Variants in PRRX1 observed in about 807,000 individuals in gnomAD.
PRRX1 encodes the protein paired mesoderm homeobox protein 1.
A neutral mutation model predicts 24.0 loss-of-function variants in PRRX1; 8 were observed. The observed-to-expected ratio is 0.33, with a 90% confidence interval of 0.20 to 0.60. The LOEUF (loss-of-function observed/expected upper bound fraction) is 0.60. PRRX1 is among the 20% of genes least tolerant of loss of function. The pLI, the probability that PRRX1 is intolerant of heterozygous loss-of-function variation, is 0.82. For synonymous variants in PRRX1, 160 were observed against 131.7 expected (o/e 1.22, Z -1.47); for missense variants, 281 against 322.4 (o/e 0.87, Z 0.98).
chr1:170,671,266 T>G (rs557864331), intron 1 of PRRX1, among the ~76,000 whole-genome samples: 1 of 152,370 alleles, frequency 6.6e-6, no homozygotes, highest in South Asian at 2.1e-4. Context: ...GGGCTCTTTT[T>G]GGATCTCACC....
chr1:170,687,098 T>A (rs952455141), intron 1 of PRRX1, among the ~76,000 whole-genome samples: 1 of 132,296 alleles, frequency 7.6e-6, no homozygotes, highest in Non-Finnish European at 1.5e-5. Flanking sequence ...TACAAAAAGG[T>A]CATCTTGACC....
In PRRX1 at chr1:170,730,595, G is replaced by C. The variant is rs150649865; in HGVS notation, c.599+4194G>C. 516 of 445,304 alleles carry C rather than the reference G, an allele frequency of 1.2e-3. 3 individuals carry two copies. The highest frequency in any genetic ancestry group is 9.3e-3 in the African/African-American group (466 of 49,890). 27.6% of individuals were successfully genotyped at this position (445,304 alleles called of 1,614,324 possible). On this transcript the variant is annotated intron_variant, in intron 3 of 3. Coordinates refer to ENST00000239461, the MANE Select transcript of PRRX1 (RefSeq NM_022716.4). ...AGGAAACATCTGGGATCGCGTGACT[G>C]TGCAAACTCTGATTCACTAATTCCA...
chr1:170,670,068 T>TA, intron 1 of PRRX1, among the ~76,000 whole-genome samples: 1 of 152,218 alleles, frequency 6.6e-6, no homozygotes, highest in Middle Eastern at 3.4e-3. Flanking sequence ...TAGCTACAGA[T>TA]AAAAAATTAC....
At chr1:170,708,842 A>G (rs1571337298) in intron 1 of PRRX1, among the ~76,000 whole-genome samples, 1 of 152,206 alleles carries the variant, frequency 6.6e-6, no homozygotes, top group South Asian at 2.1e-4. Flanking sequence ...TGGAATTTAC[A>G]TGCCTTACAA....
chr1:170,683,684 G>A (rs867866412), intron 1 of PRRX1, among the ~76,000 whole-genome samples: 2 of 152,160 alleles, frequency 1.3e-5, no homozygotes, highest in Admixed American at 1.3e-4. Context: ...CAGAAAGGAA[G>A]GGTTCTGCTT....
rs774222912 is a variant in PRRX1, at chr1:170,664,260, G to T, written c.42G>T (p.Ala14=). 2.5e-6 allele frequency: 4 copies of T among 1,612,634 alleles called. No homozygotes were observed. The highest frequency in any genetic ancestry group is 1.1e-5 in the South Asian group (1 of 90,648). ...GGCACGTTCTGGAGCGGCAACCGGC[G>T]CTGGGCGGCCGCTTGGACAGCCCGG... The part of the protein sequence containing the change: ...SYGHVLERQP[A]LGGRLDSPGN... The change falls in exon 1 of 4, where the codon GCG becomes GCT. Residue 14 remains alanine, a synonymous_variant. Transcript: ENST00000239461.
At chr1:170,674,685 T>C (rs949719579) in intron 1 of PRRX1, among the ~76,000 whole-genome samples, 14 of 152,084 alleles carry the variant, frequency 9.2e-5, no homozygotes, top group Non-Finnish European at 2.9e-5. Flanking sequence ...TACGGAGTAC[T>C]TCTACTGTTT....
chr1:170,708,701 T>C (rs531295025), intron 1 of PRRX1, among the ~76,000 whole-genome samples: 1 of 152,312 alleles, frequency 6.6e-6, no homozygotes, highest in Admixed American at 6.5e-5. Flanking sequence ...TGAGCACTAC[T>C]AAAAGGTTTA....
intron 1 of PRRX1, among the ~76,000 whole-genome samples, chr1:170,672,575 G>A (rs1299942788): frequency 1.3e-5 from 2 of 152,156 alleles, no homozygotes; most frequent in African/African-American, 4.8e-5. Context: ...AAACAGATGG[G>A]TGATCCCAGT....
At chr1:170,715,308 C>A (rs1654871778) in intron 1 of PRRX1, among the ~76,000 whole-genome samples, 1 of 152,108 alleles carries the variant, frequency 6.6e-6, no homozygotes, top group Non-Finnish European at 1.5e-5. Flanking sequence ...GCTTCTATAC[C>A]ATGACATTAC....
chr1:170,674,873 T>A (rs988943743), intron 1 of PRRX1, among the ~76,000 whole-genome samples: 6 of 152,218 alleles, frequency 3.9e-5, no homozygotes, highest in Admixed American at 3.9e-4. Context: ...TTTTCACCAG[T>A]CTGAGCTAGA....
chr1:170,726,092 A>T (rs913165016), intron 2 of PRRX1, 128 bp from the exon 3 acceptor site: 1 of 909,828 alleles, frequency 1.1e-6, no homozygotes, highest in African/African-American at 1.7e-5. Context: ...AGAATTCCAT[A>T]GCCATCTTAT....
At chr1:170,703,953 G>C (rs548314333) in intron 1 of PRRX1, among the ~76,000 whole-genome samples, 3 of 152,184 alleles carry the variant, frequency 2.0e-5, no homozygotes, top group African/African-American at 7.2e-5. Context: ...GTTAAGGAAG[G>C]AGAATAATTA....
At chr1:170,705,134 A>C (rs1290188107) in intron 1 of PRRX1, among the ~76,000 whole-genome samples, 1 of 152,078 alleles carries the variant, frequency 6.6e-6, no homozygotes, top group African/African-American at 2.4e-5. Context: ...TTTTGTCACC[A>C]CTTTGCCACT....
At chr1:170,716,380 C>T (rs542947313) in intron 1 of PRRX1, among the ~76,000 whole-genome samples, 61 of 152,204 alleles carry the variant, frequency 4.0e-4, no homozygotes, top group African/African-American at 1.3e-3. Context: ...GTCAGGAGAT[C>T]GAGACCATCC....
At chr1:170,681,324 C>T (rs1473388683) in intron 1 of PRRX1, among the ~76,000 whole-genome samples, 1 of 152,122 alleles carries the variant, frequency 6.6e-6, no homozygotes, top group East Asian at 1.9e-4. Flanking sequence ...TACTGTATTC[C>T]AGTATTTTCT....
intron 1 of PRRX1, among the ~76,000 whole-genome samples, chr1:170,694,734 T>C (rs1192292956): frequency 6.6e-6 from 1 of 152,174 alleles, no homozygotes; most frequent in African/African-American, 2.4e-5. Flanking sequence ...AAATGAAACT[T>C]TACTGATTTC....
chr1:170,694,461 G>A (rs1231998353), intron 1 of PRRX1, among the ~76,000 whole-genome samples: 2 of 152,086 alleles, frequency 1.3e-5, no homozygotes, highest in African/African-American at 4.8e-5. Flanking sequence ...ATGTGTATGT[G>A]CATGCAAAAT....
At chr1:170,683,814 T>C (rs959846322) in intron 1 of PRRX1, among the ~76,000 whole-genome samples, 2 of 152,238 alleles carry the variant, frequency 1.3e-5, no homozygotes, top group African/African-American at 4.8e-5. Flanking sequence ...AAGTTTTTAG[T>C]GTTTCCTAGG....
Sources: gnomAD v4.1 joint callset for allele counts (sites outside exome capture counted in the v4.1 genomes callset) on GRCh38, gnomAD v4.1.1 for gene constraint, MANE v1.5 for transcripts, NCBI Gene and HGNC (gene_info 2026-07-23, HGNC 2026-07-21) for gene names.